RSBN1L: variants seen among roughly 807,000 people sequenced by gnomAD.
The protein encoded by RSBN1L is lysine-specific demethylase RSBN1L.
A neutral mutation model predicts 67.7 loss-of-function variants in RSBN1L; 30 were observed. The ratio of observed to expected loss-of-function variants is 0.44; its 90% CI spans 0.33 to 0.60. The LOEUF (loss-of-function observed/expected upper bound fraction) is 0.60. Ranked by LOEUF, RSBN1L falls within the 20% of genes least tolerant of loss-of-function variation. The pLI is 0.02. For missense variants in RSBN1L, 992 were observed against 1,031.7 expected, an observed-to-expected ratio of 0.96 and a Z score of 0.53; for synonymous variants, 433 against 387.0, an observed-to-expected ratio of 1.12 and a Z score of -1.39.
At chr7:77,747,005 G>T (rs10233055) in intron 2 of RSBN1L, among the ~76,000 whole-genome samples, 88,467 of 151,984 alleles carry the variant, frequency 0.58, 27,874 homozygotes, top group African/African-American at 0.84. Flanking sequence ...TGGTATTGAG[G>T]GCTTGAGGCT....
intron 2 of RSBN1L, among the ~76,000 whole-genome samples, chr7:77,749,092 A>T (rs1791521241): frequency 6.6e-6 from 1 of 152,098 alleles, no homozygotes; most frequent in South Asian, 2.1e-4. Context: ...TGTCTCTTCT[A>T]AAAACACAAG....
intron 1 of RSBN1L, among the ~76,000 whole-genome samples, chr7:77,711,467 G>A (rs1790973653): frequency 6.6e-6 from 1 of 151,900 alleles, no homozygotes; most frequent in African/African-American, 2.4e-5. Context: ...AGCCTCCTGA[G>A]TAGCTAGGAC....
In RSBN1L at chr7:77,697,064, C is replaced by T. The variant is rs1310968269; in HGVS notation, c.586+9C>T. On this transcript the variant is annotated intron_variant, in intron 1 of 7. Transcript: ENST00000334955. ...GAAGCCGCTGCCCCGAGGTGGGTGCCGTGCGGGGAGGGGGAGGGGAGGGCG... is the reference window on the plus strand; with the variant it reads ...GAAGCCGCTGCCCCGAGGTGGGTGCTGTGCGGGGAGGGGGAGGGGAGGGCG... 1 of 1,409,676 alleles carries T rather than the reference C, an allele frequency of 7.1e-7. No individual in the cohort carries two copies. The highest frequency in any genetic ancestry group is 9.2e-7 in the Non-Finnish European group (1 of 1,084,036). The allele number at this position is 1,409,676 out of a possible 1,614,324, so 87.3% of individuals were successfully genotyped here. A position where few individuals can be genotyped will look rare whatever the true frequency, so the allele number is the denominator to read the frequency against.
chr7:77,774,793 A>G (rs760152786), intron 6 of RSBN1L, among the ~76,000 whole-genome samples: 2 of 152,204 alleles, frequency 1.3e-5, no homozygotes, highest in Non-Finnish European at 2.9e-5. Flanking sequence ...TTTGTTTTCC[A>G]AAATTGAGTA....
chr7:77,735,623 T>C (rs886720438), intron 1 of RSBN1L, among the ~76,000 whole-genome samples: 3 of 152,180 alleles, frequency 2.0e-5, no homozygotes, highest in Admixed American at 2.0e-4. Context: ...TTCACAGTTC[T>C]TGTATACTTC....
chr7:77,705,402 A>T (rs1790877510), intron 1 of RSBN1L, among the ~76,000 whole-genome samples: 1 of 151,818 alleles, frequency 6.6e-6, no homozygotes, highest in African/African-American at 2.4e-5. Flanking sequence ...CTAGGTACTC[A>T]TATTACGTTT....
intron 1 of RSBN1L, among the ~76,000 whole-genome samples, chr7:77,708,650 G>A (rs1332001645): frequency 2.6e-5 from 4 of 151,854 alleles, no homozygotes; most frequent in Non-Finnish European, 5.9e-5. Context: ...CCAAAGTGCT[G>A]GGATTACAGG....
chr7:77,709,729 G>A (rs1228422478), intron 1 of RSBN1L, among the ~76,000 whole-genome samples: 4 of 152,100 alleles, frequency 2.6e-5, no homozygotes, highest in Non-Finnish European at 4.4e-5. Context: ...TCAGCATTTG[G>A]TTTGGTTTTG....
intron 1 of RSBN1L, among the ~76,000 whole-genome samples, chr7:77,724,601 T>C (rs997400387): frequency 6.6e-6 from 1 of 151,416 alleles, no homozygotes. Context: ...AATTTTTGTA[T>C]TTTTAGTAGA....
intron 2 of RSBN1L, among the ~76,000 whole-genome samples, chr7:77,737,751 G>T (rs936020175): frequency 6.6e-6 from 1 of 152,132 alleles, no homozygotes; most frequent in Non-Finnish European, 1.5e-5. Flanking sequence ...GGCCAGGTTC[G>T]GTCGCTCATG....
chr7:77,697,306 G>A (rs1184431269), intron 1 of RSBN1L: 12 of 366,456 alleles, frequency 3.3e-5, no homozygotes, highest in Non-Finnish European at 5.3e-5. Flanking sequence ...CCCAGTTAGT[G>A]CGCTGCAGGA....
intron 1 of RSBN1L, among the ~76,000 whole-genome samples, chr7:77,720,520 T>C (rs555341905): frequency 1.6e-4 from 24 of 152,042 alleles, no homozygotes; most frequent in African/African-American, 5.5e-4. Flanking sequence ...GATCGTGCCA[T>C]TGCACTCCAG....
intron 3 of RSBN1L, among the ~76,000 whole-genome samples, chr7:77,764,039 G>A (rs183825933): frequency 5.3e-5 from 8 of 152,260 alleles, no homozygotes; most frequent in South Asian, 2.1e-4. Context: ...ACTTTGTTAC[G>A]TTGTGATACT....
intron 1 of RSBN1L, among the ~76,000 whole-genome samples, chr7:77,712,670 G>A (rs1790991166): frequency 6.6e-6 from 1 of 152,084 alleles, no homozygotes; most frequent in Non-Finnish European, 1.5e-5. Context: ...ACTGTTCCAT[G>A]TCAATATGTG....
intron 3 of RSBN1L, among the ~76,000 whole-genome samples, chr7:77,760,679 G>C (rs559216621): frequency 6.6e-6 from 1 of 152,198 alleles, no homozygotes; most frequent in East Asian, 1.9e-4. Context: ...TATCACCCAG[G>C]CTGGAGTGCA....
intron 1 of RSBN1L, among the ~76,000 whole-genome samples, chr7:77,709,759 T>C (rs1392582107): frequency 2.6e-5 from 4 of 152,238 alleles, no homozygotes; most frequent in Non-Finnish European, 5.9e-5. Context: ...TACTCTTCTT[T>C]CTGGCTTTTG....
chr7:77,746,961 G>A (rs191861415), intron 2 of RSBN1L, among the ~76,000 whole-genome samples: 1 of 152,340 alleles, frequency 6.6e-6, no homozygotes, highest in Admixed American at 6.5e-5. Context: ...CTGTGGCTGT[G>A]TAGGGTTCAG....
In RSBN1L at chr7:77,765,524, C is replaced by T; in HGVS notation, c.1374C>T (p.Tyr458=). Residue 458 remains tyrosine (Y), a synonymous_variant, in exon 4 of 8, where the codon TAC becomes TAT. Coordinates refer to ENST00000334955, the MANE Select transcript of RSBN1L (RefSeq NM_198467.3). ...QVKRTYSHGT[Y]RAGPMRQISL... ...AAAGAACGTATTCTCATGGTACTTA[C>T]AGAGCTGGCCCAATGAGACAAATAA... 6.2e-7 allele frequency: 1 copy of T among 1,604,936 alleles called. No homozygotes were observed. Among genetic ancestry groups the T allele is most frequent in the Non-Finnish European group, 8.5e-7 (1 of 1,175,254 alleles).
intron 1 of RSBN1L, among the ~76,000 whole-genome samples, chr7:77,722,999 G>A (rs185798593): frequency 3.4e-4 from 46 of 133,694 alleles, no homozygotes; most frequent in East Asian, 6.3e-4. Context: ...ACAGAGTTTC[G>A]CTTTGTTACC....
Sources: gnomAD v4.1 joint callset for allele counts (sites outside exome capture counted in the v4.1 genomes callset) on GRCh38, gnomAD v4.1.1 for gene constraint, MANE v1.5 for transcripts, NCBI Gene and HGNC (gene_info 2026-07-23, HGNC 2026-07-21) for gene names.